Variants in TRPM3 observed in about 807,000 individuals in gnomAD.
The protein encoded by TRPM3 is transient receptor potential cation channel subfamily M member 3, also known as long transient receptor potential channel 3.
In TRPM3, 77 loss-of-function variants were observed where a neutral mutation model predicts 181.2. That is an observed-to-expected ratio of 0.42 (90% CI 0.35 to 0.51). The LOEUF (loss-of-function observed/expected upper bound fraction) is 0.51, where lower values mean the gene tolerates loss of function less well. Ranked by LOEUF, TRPM3 falls within the 20% of genes least tolerant of loss-of-function variation. TRPM3 has a pLI of 0.01. For synonymous variants in TRPM3, 745 were observed against 796.4 expected (o/e 0.94, Z 1.09); for missense variants, 1,759 against 2,196.7 (o/e 0.80, Z 3.98).
intron 9 of TRPM3, among the ~76,000 whole-genome samples, chr9:70,669,713 TTTC>T (rs1158238094): frequency 4.0e-5 from 6 of 151,348 alleles, no homozygotes; most frequent in Non-Finnish European, 8.8e-5. Context: ...CATTTTTCTT[TTTC>T]TTTTCTTTTC....
chr9:71,135,379 C>T (rs1022616764), intron 1 of TRPM3, among the ~76,000 whole-genome samples: 20 of 152,170 alleles, frequency 1.3e-4, no homozygotes, highest in African/African-American at 4.6e-4. Context: ...CAAGGCAACT[C>T]TATTCTTTTC....
chr9:70,567,452 C>T (rs914826250), intron 22 of TRPM3, among the ~76,000 whole-genome samples: 2 of 152,208 alleles, frequency 1.3e-5, no homozygotes, highest in African/African-American at 4.8e-5. Context: ...AATTAGATGG[C>T]TTCACTTCGC....
intron 7 of TRPM3, among the ~76,000 whole-genome samples, chr9:70,765,782 C>T (rs992547319): frequency 6.6e-6 from 1 of 151,976 alleles, no homozygotes; most frequent in Non-Finnish European, 1.5e-5. Context: ...TTATTATTGT[C>T]TAGTTCTTCC....
At chr9:71,015,387 G>A (rs2097776450) in intron 1 of TRPM3, among the ~76,000 whole-genome samples, 1 of 152,146 alleles carries the variant, frequency 6.6e-6, no homozygotes, top group South Asian at 2.1e-4. Context: ...GAAATGCTAA[G>A]CAGTGAATTA....
At chr9:70,616,573 C>CAAAAAAA (rs398113513) in intron 17 of TRPM3, among the ~76,000 whole-genome samples, 1 of 121,448 alleles carries the variant, frequency 8.2e-6, no homozygotes, top group Non-Finnish European at 1.7e-5. Flanking sequence ...ATTATCTCTG[C>CAAAAAAA]AAAAAAAAAA....
chr9:70,915,298 C>T lies in TRPM3; in HGVS notation c.178-50787G>A, dbSNP rs551101838. Among the ~76,000 whole-genome samples, 101 of 150,534 alleles carry T rather than the reference C, an allele frequency of 6.7e-4. 1 individual carries two copies. Among genetic ancestry groups the T allele is most frequent in the Non-Finnish European group, 1.2e-3 (81 of 67,454 alleles). On this transcript the variant is annotated intron_variant, in intron 1 of 25. Transcript: ENST00000677713. ...CTGGAGCTAAAAAATGCATCAGAGT[C>T]TTTTTTTTTCTTTTTTTGAGACAGA...
intron 1 of TRPM3, among the ~76,000 whole-genome samples, chr9:71,078,752 T>C (rs1346019742): frequency 6.6e-6 from 1 of 152,188 alleles, no homozygotes; most frequent in Non-Finnish European, 1.5e-5. Flanking sequence ...CTAATGAGTA[T>C]AAAATTTAGA....
chr9:71,115,797 G>A (rs1462816626), intron 1 of TRPM3, among the ~76,000 whole-genome samples: 3 of 152,146 alleles, frequency 2.0e-5, no homozygotes, highest in African/African-American at 7.2e-5. Context: ...TCAGGAGACA[G>A]AACTCTCCAG....
intron 1 of TRPM3, among the ~76,000 whole-genome samples, chr9:71,186,436 T>C (rs1173564358): frequency 6.6e-6 from 1 of 152,090 alleles, no homozygotes; most frequent in African/African-American, 2.4e-5. Context: ...TCTTCTTAAA[T>C]TCATGCTCTC....
chr9:71,117,877 C>A (rs906491912), intron 1 of TRPM3, among the ~76,000 whole-genome samples: 1 of 152,132 alleles, frequency 6.6e-6, no homozygotes, highest in African/African-American at 2.4e-5. Context: ...CAGAAGCCTT[C>A]CCTTCAGTAA....
chr9:70,988,592 G>C (rs1370727043), intron 1 of TRPM3, among the ~76,000 whole-genome samples: 1 of 152,166 alleles, frequency 6.6e-6, no homozygotes, highest in South Asian at 2.1e-4. Flanking sequence ...ATTATTCAAT[G>C]ATGTGAATCT....
At chr9:70,970,826 G>T (rs971437292) in intron 1 of TRPM3, among the ~76,000 whole-genome samples, 5 of 152,004 alleles carry the variant, frequency 3.3e-5, no homozygotes, top group Non-Finnish European at 5.9e-5. Flanking sequence ...CTTGCTGAGT[G>T]GTCTCCCCAA....
chr9:71,348,453 T>C (rs2091415202), intron 1 of TRPM3, among the ~76,000 whole-genome samples: 1 of 20,460 alleles, frequency 4.9e-5, no homozygotes. Context: ...AGCAGACTTT[T>C]CCCATTTTTT....
chr9:71,333,918 T>C (rs1035536153), intron 1 of TRPM3, among the ~76,000 whole-genome samples: 3 of 151,858 alleles, frequency 2.0e-5, no homozygotes, highest in African/African-American at 4.8e-5. Flanking sequence ...TAGCTCAATA[T>C]GTCACACAGA....
chr9:71,187,632 T>C (rs1239680178), intron 1 of TRPM3, among the ~76,000 whole-genome samples: 1 of 151,912 alleles, frequency 6.6e-6, no homozygotes, highest in African/African-American at 2.4e-5. Flanking sequence ...AGGTTTATTT[T>C]TATTTAAAAA....
At chr9:70,975,364 T>C (rs1025139585) in intron 1 of TRPM3, among the ~76,000 whole-genome samples, 1 of 152,210 alleles carries the variant, frequency 6.6e-6, no homozygotes, top group Admixed American at 6.5e-5. Context: ...AAATACGTAG[T>C]GGAAAATCAT....
intron 1 of TRPM3, among the ~76,000 whole-genome samples, chr9:71,206,906 C>T (rs960933503): frequency 9.3e-4 from 141 of 151,936 alleles, no homozygotes; most frequent in African/African-American, 3.2e-3. Context: ...TTAAAATGTA[C>T]AAAACCATTT....
At chr9:70,747,893 C>A (rs1443510152) in intron 8 of TRPM3, among the ~76,000 whole-genome samples, 1 of 151,890 alleles carries the variant, frequency 6.6e-6, no homozygotes, top group African/African-American at 2.4e-5. Flanking sequence ...CTTGGAAATG[C>A]AGGAGCCAGG....
intron 1 of TRPM3, among the ~76,000 whole-genome samples, chr9:71,345,008 A>T (rs1344602437): frequency 6.6e-6 from 1 of 152,260 alleles, no homozygotes; most frequent in Non-Finnish European, 1.5e-5. Context: ...ATCACTGGTC[A>T]TTAGAGAAAC....
Sources: gnomAD v4.1 joint callset for allele counts (sites outside exome capture counted in the v4.1 genomes callset) on GRCh38, gnomAD v4.1.1 for gene constraint, MANE v1.5 for transcripts, NCBI Gene and HGNC (gene_info 2026-07-23, HGNC 2026-07-21) for gene names.